NRG1: variants seen among roughly 807,000 people sequenced by gnomAD.
NRG1 encodes the protein neuregulin 1.
NRG1 carries 18 observed loss-of-function variants against 63.8 expected under a neutral mutation model. That is an observed-to-expected ratio of 0.28 (90% confidence interval 0.19 to 0.42). The LOEUF (loss-of-function observed/expected upper bound fraction) is 0.42, where lower values mean the gene tolerates loss of function less well. NRG1 is among the 10% of genes least tolerant of loss of function. The pLI, the probability that NRG1 is intolerant of heterozygous loss-of-function variation, is 1.00. For synonymous variants in NRG1, 302 were observed against 301.3 expected (o/e 1.00, Z -0.02); for missense variants, 762 against 814.7 (o/e 0.94, Z 0.79).
intron 1 of NRG1, among the ~76,000 whole-genome samples, chr8:31,741,407 C>A (rs575868816): frequency 6.6e-6 from 1 of 151,910 alleles, no homozygotes; most frequent in African/African-American, 2.4e-5. Flanking sequence ...AATGCATTAA[C>A]TTTTTTCATG....
At chr8:31,758,419 T>G (rs984456647) in intron 1 of NRG1, among the ~76,000 whole-genome samples, 1 of 152,162 alleles carries the variant, frequency 6.6e-6, no homozygotes, top group Non-Finnish European at 1.5e-5. Flanking sequence ...TGCACATGTA[T>G]GTCTACTGCA....
intron 1 of NRG1, among the ~76,000 whole-genome samples, chr8:32,130,031 A>G (rs530426304): frequency 5.3e-4 from 81 of 152,040 alleles, no homozygotes; most frequent in African/African-American, 1.9e-3. Context: ...AAAATGTAAG[A>G]ACTCTGAGGT....
chr8:31,839,626 A>T (rs1200006868), intron 1 of NRG1, among the ~76,000 whole-genome samples: 1 of 152,186 alleles, frequency 6.6e-6, no homozygotes, highest in Non-Finnish European at 1.5e-5. Flanking sequence ...TTATGTTGCA[A>T]AGTAGCCCAC....
intron 1 of NRG1, among the ~76,000 whole-genome samples, chr8:32,284,483 C>CTGGCTGCG (rs1853259814): frequency 1.5e-5 from 2 of 135,710 alleles, no homozygotes; most frequent in African/African-American, 5.6e-5. Flanking sequence ...GCCTCCCTGC[C>CTGGCTGCG]TGCCTGCCTT....
At chr8:32,633,726 G>A (rs1282016783) in intron 5 of NRG1, among the ~76,000 whole-genome samples, 1 of 152,116 alleles carries the variant, frequency 6.6e-6, no homozygotes, top group East Asian at 1.9e-4. Context: ...AAGCAGAAAC[G>A]ATTGCAATCT....
At chr8:31,942,185 A>G (rs1056985860) in intron 1 of NRG1, among the ~76,000 whole-genome samples, 1 of 152,200 alleles carries the variant, frequency 6.6e-6, no homozygotes, top group African/African-American at 2.4e-5. Flanking sequence ...TGGTATAAAA[A>G]TAGGTGCATA....
intron 1 of NRG1, among the ~76,000 whole-genome samples, chr8:32,553,204 T>C (rs1834477719): frequency 6.6e-6 from 1 of 152,126 alleles, no homozygotes; most frequent in Non-Finnish European, 1.5e-5. Flanking sequence ...CTATTATTAT[T>C]ATCATGAGGG....
chr8:32,714,906 G>C (rs2128990765), intron 5 of NRG1, among the ~76,000 whole-genome samples: 2 of 152,334 alleles, frequency 1.3e-5, no homozygotes, highest in African/African-American at 4.8e-5. Context: ...GGCTGTGATA[G>C]ACCCATGCAG....
At chr8:32,632,327 C>A (rs184090580) in intron 5 of NRG1, among the ~76,000 whole-genome samples, 3,048 of 152,004 alleles carry the variant, frequency 0.02, 104 homozygotes, top group African/African-American at 0.068. Flanking sequence ...CCAAGGCGGG[C>A]GGATCACCTG....
chr8:31,989,649 GCTTTTGCA>G (rs201522430), intron 1 of NRG1, among the ~76,000 whole-genome samples: 2,037 of 152,202 alleles, frequency 0.013, 40 homozygotes, highest in African/African-American at 0.047. Context: ...AAAATAATTT[GCTTTTGCA>G]CTGGGAAGCG....
At chr8:32,236,273 A>T (rs926466808) in intron 1 of NRG1, among the ~76,000 whole-genome samples, 1 of 152,074 alleles carries the variant, frequency 6.6e-6, no homozygotes, top group Non-Finnish European at 1.5e-5. Flanking sequence ...CCTGGAATCA[A>T]ACCTGGGGGG....
At chr8:32,717,645 A>G (rs1466324827) in intron 5 of NRG1, among the ~76,000 whole-genome samples, 2 of 152,292 alleles carry the variant, frequency 1.3e-5, no homozygotes, top group East Asian at 3.9e-4. Context: ...GTTTGTGGAA[A>G]CATAAACTGG....
intron 1 of NRG1, among the ~76,000 whole-genome samples, chr8:32,205,829 A>C (rs1177031888): frequency 6.6e-6 from 1 of 151,966 alleles, no homozygotes; most frequent in East Asian, 1.9e-4. Flanking sequence ...AATGTAATGC[A>C]GGTCAGGCAT....
Position 31,873,491 on chromosome 8 carries a change from G to A in NRG1, c.37+234060G>A, listed in dbSNP as rs189589157. ...GGAGAATCGCTTGAACCTGGGAGGC[G>A]GAGATTGCAGTGAGCTGAGATCAGA... On this transcript the variant is annotated intron_variant, in intron 1 of 10. Transcript: ENST00000519301. Among the ~76,000 whole-genome samples, 155 of 152,236 alleles carry A rather than the reference G, an allele frequency of 1.0e-3. 1 individual carries two copies. Among genetic ancestry groups the A allele is most frequent in the South Asian group, 1.0e-3 (5 of 4,824 alleles).
chr8:32,070,271 T>C (rs1485673398), intron 1 of NRG1, among the ~76,000 whole-genome samples: 1 of 152,204 alleles, frequency 6.6e-6, no homozygotes, highest in African/African-American at 2.4e-5. Context: ...TGGATTCTAC[T>C]AATTTCCAGA....
At chr8:32,475,527 T>C (rs1000939605) in intron 1 of NRG1, among the ~76,000 whole-genome samples, 22 of 151,460 alleles carry the variant, frequency 1.5e-4, no homozygotes, top group African/African-American at 5.1e-4. Context: ...TCTGTGCATG[T>C]ATTCTTTTTG....
chr8:31,734,999 G>A (rs1049730521), intron 1 of NRG1, among the ~76,000 whole-genome samples: 1 of 152,092 alleles, frequency 6.6e-6, no homozygotes, highest in African/African-American at 2.4e-5. Flanking sequence ...GTGCGTCATG[G>A]ACACCTGGAC....
intron 1 of NRG1, among the ~76,000 whole-genome samples, chr8:32,233,590 G>T (rs1847232021): frequency 8.0e-6 from 1 of 124,968 alleles, no homozygotes; most frequent in South Asian, 2.7e-4. Context: ...TTTTGAAACG[G>T]TGTCTCACTC....
At chr8:32,694,567 T>C (rs1437552175) in intron 5 of NRG1, among the ~76,000 whole-genome samples, 1 of 152,230 alleles carries the variant, frequency 6.6e-6, no homozygotes, top group Non-Finnish European at 1.5e-5. Flanking sequence ...ATATCACATA[T>C]TTTAATTGTA....
Sources: gnomAD v4.1 joint callset for allele counts (sites outside exome capture counted in the v4.1 genomes callset) on GRCh38, gnomAD v4.1.1 for gene constraint, MANE v1.5 for transcripts, NCBI Gene and HGNC (gene_info 2026-07-23, HGNC 2026-07-21) for gene names.